Variants in MYRIP observed in about 807,000 individuals in gnomAD.
MYRIP encodes rab effector MyRIP.
A neutral mutation model predicts 98.0 loss-of-function variants in MYRIP; 49 were observed. That is an observed-to-expected ratio of 0.50 (90% CI 0.40 to 0.63). The LOEUF (loss-of-function observed/expected upper bound fraction) is 0.63. Among genes scored for constraint, MYRIP ranks in the 30% least tolerant of loss-of-function variants. The pLI is 0.00. For synonymous variants in MYRIP, 404 were observed against 409.5 expected, an observed-to-expected ratio of 0.99 and a Z score of 0.16; for missense variants, 1,004 against 1,058.2, an observed-to-expected ratio of 0.95 and a Z score of 0.71.
intron 3 of MYRIP, among the ~76,000 whole-genome samples, chr3:40,112,392 T>C (rs1334263544): frequency 6.6e-6 from 1 of 152,158 alleles, no homozygotes; most frequent in Non-Finnish European, 1.5e-5. Context: ...AGTAAATGTT[T>C]GTGAGAACTA....
At chr3:40,137,619 G>A (rs778165035) in intron 3 of MYRIP, among the ~76,000 whole-genome samples, 3 of 152,050 alleles carry the variant, frequency 2.0e-5, no homozygotes, top group South Asian at 2.1e-4. Context: ...GATGAACATC[G>A]ATGCAAAAAT....
chr3:39,901,004 C>A, intron 2 of MYRIP, 78 bp downstream of exon 2: 1 of 1,032,540 alleles, frequency 9.7e-7, no homozygotes, highest in Non-Finnish European at 1.5e-6. Flanking sequence ...AGGGTATTCC[C>A]TCCTGCTAGC....
chr3:39,994,115 T>C (rs1946269198), intron 2 of MYRIP, among the ~76,000 whole-genome samples: 1 of 152,232 alleles, frequency 6.6e-6, no homozygotes, highest in Non-Finnish European at 1.5e-5. Flanking sequence ...GCGTGAGCGA[T>C]GCAGAAGACA....
intron 1 of MYRIP, among the ~76,000 whole-genome samples, chr3:39,890,233 A>G (rs1369817957): frequency 1.3e-5 from 2 of 150,930 alleles, no homozygotes; most frequent in East Asian, 1.9e-4. Context: ...TGTTGCCACT[A>G]TGTTTCTTAC....
chr3:40,140,314 T>G (rs1490406435), intron 3 of MYRIP, among the ~76,000 whole-genome samples: 2 of 152,242 alleles, frequency 1.3e-5, no homozygotes, highest in Non-Finnish European at 2.9e-5. Flanking sequence ...GTCAGTCTTT[T>G]TAATATTAGC....
intron 2 of MYRIP, among the ~76,000 whole-genome samples, chr3:39,970,621 C>G (rs1251893353): frequency 1.3e-5 from 2 of 152,126 alleles, no homozygotes; most frequent in Non-Finnish European, 2.9e-5. Flanking sequence ...TCCCTCCAAC[C>G]TACCTCATGG....
At chr3:40,122,707 G>A (rs1312679978) in intron 3 of MYRIP, among the ~76,000 whole-genome samples, 2 of 151,610 alleles carry the variant, frequency 1.3e-5, no homozygotes, top group East Asian at 3.9e-4. Flanking sequence ...AAATTTTATA[G>A]ACACATAATA....
At chr3:39,998,819 C>T (rs1273731403) in intron 2 of MYRIP, among the ~76,000 whole-genome samples, 1 of 152,128 alleles carries the variant, frequency 6.6e-6, no homozygotes, top group Non-Finnish European at 1.5e-5. Flanking sequence ...GGTACTGGTA[C>T]CAAAACAGAG....
intron 3 of MYRIP, among the ~76,000 whole-genome samples, chr3:40,063,654 C>G (rs1948066919): frequency 6.6e-6 from 1 of 152,124 alleles, no homozygotes; most frequent in Admixed American, 6.5e-5. Flanking sequence ...ATTTGCATAG[C>G]TTACATGACA....
At chr3:39,939,625 T>G (rs1210621616) in intron 2 of MYRIP, among the ~76,000 whole-genome samples, 1 of 152,124 alleles carries the variant, frequency 6.6e-6, no homozygotes, top group African/African-American at 2.4e-5. Flanking sequence ...ATTAGTTTTG[T>G]AAAGAAAAAA....
chr3:39,824,860 C>T (rs1236379624), intron 1 of MYRIP, among the ~76,000 whole-genome samples: 1 of 152,082 alleles, frequency 6.6e-6, no homozygotes, highest in African/African-American at 2.4e-5. Flanking sequence ...TGACTATAGG[C>T]ATATGCCACC....
rs1048346165 is a variant in MYRIP at position 40,259,863 on chromosome 3, A to ATGT, written c.*1699_*1701dup. 6.6e-6 allele frequency: 1 copy of ATGT among 152,620 alleles called. No individual in the cohort carries two copies. Among genetic ancestry groups the ATGT allele is most frequent in the Non-Finnish European group, 1.5e-5 (1 of 68,028 alleles). 9.5% of individuals were successfully genotyped at this position (152,620 alleles called of 1,614,324 possible). On this transcript the variant is annotated 3_prime_UTR_variant, in exon 17 of 17. Coordinates refer to ENST00000302541, the MANE Select transcript of MYRIP (RefSeq NM_015460.4). The stretch of plus-strand genomic sequence containing the variant: ...AAAAAAGATTTGACTTCCGAATAGA[A>ATGT]TGTTTTCTTTAAGAGGCATGAAAAG...
intron 11 of MYRIP, among the ~76,000 whole-genome samples, chr3:40,218,416 T>C (rs962452460): frequency 5.9e-5 from 9 of 151,738 alleles, no homozygotes; most frequent in African/African-American, 1.9e-4. Context: ...GAGGAGAAGA[T>C]TGATATAAAG....
chr3:40,214,784 A>T (rs1952068338), intron 11 of MYRIP, among the ~76,000 whole-genome samples: 1 of 152,194 alleles, frequency 6.6e-6, no homozygotes, highest in Admixed American at 6.5e-5. Flanking sequence ...TGGTTCTGGA[A>T]GAAAGTCCTG....
chr3:40,154,765 G>C (rs1306530369), intron 4 of MYRIP, among the ~76,000 whole-genome samples: 1 of 152,038 alleles, frequency 6.6e-6, no homozygotes, highest in Non-Finnish European at 1.5e-5. Context: ...TGTTGTCACT[G>C]TTCAGCTGCC....
intron 1 of MYRIP, among the ~76,000 whole-genome samples, chr3:39,841,650 C>T (rs1257864042): frequency 6.6e-6 from 1 of 152,062 alleles, no homozygotes; most frequent in Non-Finnish European, 1.5e-5. Context: ...CCATTGGGGT[C>T]CTTTTTGCTG....
chr3:40,005,078 G>A (rs926132428), intron 2 of MYRIP, among the ~76,000 whole-genome samples: 4 of 152,146 alleles, frequency 2.6e-5, no homozygotes, highest in Non-Finnish European at 5.9e-5. Context: ...GCCTCCAGCT[G>A]CATCCAGGTT....
chr3:40,184,470 G>A (rs1950975912), intron 9 of MYRIP, among the ~76,000 whole-genome samples: 2 of 152,134 alleles, frequency 1.3e-5, no homozygotes, highest in Non-Finnish European at 2.9e-5. Flanking sequence ...TGATGGACAG[G>A]GAAGTTAAGT....
chr3:39,900,949 C>T lies in MYRIP; in HGVS notation c.110+23C>T, dbSNP rs1314303565. On this transcript the variant is annotated intron_variant, in intron 2 of 16. Transcript: ENST00000302541. The stretch of plus-strand genomic sequence containing the variant: ...AAGGTGAGATGCCTGTTTTGCTCAG[C>T]AGCGTACAGCAAACCACATGTGGAC... The T allele has an allele frequency of 3.2e-6, 5 of 1,565,328 alleles. No individual in the cohort carries two copies. The African/African-American group carries it at 5.4e-5, about 17-fold the overall frequency.
Sources: gnomAD v4.1 joint callset for allele counts (sites outside exome capture counted in the v4.1 genomes callset) on GRCh38, gnomAD v4.1.1 for gene constraint, MANE v1.5 for transcripts, NCBI Gene and HGNC (gene_info 2026-07-23, HGNC 2026-07-21) for gene names.